Variants in SH3TC1 observed in about 807,000 individuals in gnomAD.
SH3TC1 encodes SH3 domain and tetratricopeptide repeats 1, also known as SH3 domain and tetratricopeptide repeat-containing protein 1.
SH3TC1 carries 135 observed loss-of-function variants against 117.3 expected under a neutral mutation model. The ratio of observed to expected loss-of-function variants is 1.15; its 90% CI spans 1.00 to 1.33. SH3TC1 has a LOEUF of 1.33. Ranked by LOEUF, SH3TC1 falls within the 40% of genes most tolerant of loss-of-function variation. The pLI is 0.00. For missense variants in SH3TC1, 2,092 were observed against 1,794.3 expected, an observed-to-expected ratio of 1.17 and a Z score of -3.00; for synonymous variants, 898 against 816.9, an observed-to-expected ratio of 1.10 and a Z score of -1.69.
At chr4:8,213,117 A>G (rs1718900731) in intron 4 of SH3TC1, 4 of 450,884 alleles carry the variant, frequency 8.9e-6, no homozygotes, top group Non-Finnish European at 1.6e-5. Context: ...TCCACCCACA[A>G]GGACTGTCAA....
At chr4:8,189,304 G>A (rs1444298072) in intron 1 of SH3TC1, among the ~76,000 whole-genome samples, 4 of 152,270 alleles carry the variant, frequency 2.6e-5, no homozygotes, top group African/African-American at 4.8e-5. Context: ...CAGGGGACCT[G>A]CCTAGGAAGC....
Position 8,236,389 on chromosome 4 carries a change from G to C in SH3TC1, c.3517G>C (p.Glu1173Gln). ...ATLEEPQEGL[E>Q]FAHMALALSI... is the part of the protein sequence containing the mutation. ...GCTGGAGGAGCCCCAGGAGGGCTTG[G>C]AGTTTGCCCACATGGCCCTAGCACT... Residue 1173 changes from glutamate to glutamine, a missense_variant, in exon 16 of 18, where the codon GAG becomes CAG. By Grantham distance (29) the Glu-to-Gln change is conservative. Coordinates refer to ENST00000245105, the MANE Select transcript of SH3TC1 (RefSeq NM_018986.5). 2 of 1,536,582 alleles carry C rather than the reference G, an allele frequency of 1.3e-6. No individual in the cohort carries two copies. The highest frequency in any genetic ancestry group is 1.8e-6 in the Non-Finnish European group (2 of 1,139,514).
intron 1 of SH3TC1, among the ~76,000 whole-genome samples, chr4:8,193,745 A>G (rs1717481125): frequency 6.6e-6 from 1 of 152,168 alleles, no homozygotes; most frequent in African/African-American, 2.4e-5. Flanking sequence ...TGGGGCTCCA[A>G]GCTGCAAAAA....
In SH3TC1 at chr4:8,212,785, G is replaced by A. The variant is rs748977972; in HGVS notation, c.332G>A (p.Arg111His). ...GLQQTLRGQL[R>H]LLENDSREMA... The stretch of plus-strand genomic sequence containing the variant: ...CAGCAGACCCTCCGGGGCCAGCTCC[G>A]CCTGCTGGAGAATGATAGCCGGGAG... The change falls in exon 4 of 18, where the codon CGC becomes CAC. Residue 111 changes from arginine (R) to histidine (H), a missense_variant. Transcript: ENST00000245105. 22 of 1,608,220 alleles carry A rather than the reference G, an allele frequency of 1.4e-5. No homozygotes were observed. Among genetic ancestry groups the A allele is most frequent in the East Asian group, 1.3e-4 (6 of 44,724 alleles).
At chr4:8,217,454 C>T (rs758570687) in intron 7 of SH3TC1, among the ~76,000 whole-genome samples, 7 of 152,194 alleles carry the variant, frequency 4.6e-5, no homozygotes, top group South Asian at 2.1e-4. Flanking sequence ...CAGGCTCATC[C>T]GAAAAGCTTT....
chr4:8,229,883 G>A (rs1321814621), intron 12 of SH3TC1, among the ~76,000 whole-genome samples: 2 of 152,068 alleles, frequency 1.3e-5, no homozygotes, highest in African/African-American at 2.4e-5. Context: ...ACTTGGAAAC[G>A]CAGGCCAGGG....
upstream of SH3TC1, among the ~76,000 whole-genome samples, chr4:8,197,001 T>A (rs771834709): frequency 9.2e-5 from 14 of 152,190 alleles, no homozygotes; most frequent in Non-Finnish European, 1.8e-4. Flanking sequence ...CCTGAACCTG[T>A]GAACCTGACC....
intron 5 of SH3TC1, chr4:8,215,185 C>T (rs780044037): frequency 2.2e-6 from 1 of 456,320 alleles, no homozygotes; most frequent in East Asian, 6.9e-5. Flanking sequence ...TTGAGGGAAG[C>T]TGCCGTCCAG....
chr4:8,190,958 A>C lies in SH3TC1; in HGVS notation c.-57+8748A>C, dbSNP rs915424235. Reference sequence around the variant, plus strand: ...CGCCCAGCCCTGGCTCTGTGATTTTACCCTCTCCGCACCTCTGTTCCTTGT... The same window carrying C: ...CGCCCAGCCCTGGCTCTGTGATTTTCCCCTCTCCGCACCTCTGTTCCTTGT... On this transcript the variant is annotated intron_variant, in intron 1 of 16. Coordinates refer to the SH3TC1 transcript ENST00000508641. The surrounding 1 kb of genome is among the most constrained non-coding windows in gnomAD (Gnocchi z 4.7). Among the ~76,000 whole-genome samples, 1 of 151,744 alleles carries C rather than the reference A, an allele frequency of 6.6e-6. No homozygotes were observed. The highest frequency in any genetic ancestry group is 1.5e-5 in the Non-Finnish European group (1 of 67,934).
chr4:8,220,372 C>T (rs894427785), intron 9 of SH3TC1, among the ~76,000 whole-genome samples: 6 of 144,958 alleles, frequency 4.1e-5, no homozygotes, highest in Admixed American at 2.1e-4. Context: ...CTTCCATCAG[C>T]CCCCGTGGCT....
At chr4:8,213,734 C>A (rs559190425) in intron 4 of SH3TC1, among the ~76,000 whole-genome samples, 18 of 152,060 alleles carry the variant, frequency 1.2e-4, no homozygotes, top group African/African-American at 4.3e-4. Context: ...CTCGTCTCTA[C>A]AAAAAAATTT....
Position 8,233,381 on chromosome 4 carries a change from G to A in SH3TC1, c.3150G>A (p.Leu1050=), listed in dbSNP as rs1721427964. Reference sequence around the variant, plus strand: ...ATACCAGGGCCTACAAATCCGCACTGGACTACACCAAACGAAGTCTGGGGA... The same window carrying A: ...ATACCAGGGCCTACAAATCCGCACTAGACTACACCAAACGAAGTCTGGGGA... ...LGTERAYKSA[L]DYTKRSLGIF... Residue 1050 remains leucine, a synonymous_variant, in exon 14 of 18, where the codon CTG becomes CTA. Coordinates refer to ENST00000245105, the MANE Select transcript of SH3TC1 (RefSeq NM_018986.5). 6.2e-7 allele frequency: 1 copy of A among 1,612,872 alleles called. No individual in the cohort carries two copies. The highest frequency in any genetic ancestry group is 1.3e-5 in the African/African-American group (1 of 74,898).
rs748003592 is a variant in SH3TC1, at chr4:8,227,393, G to A, written c.1699G>A (p.Gly567Arg). The A allele has an allele frequency of 4.8e-5, 75 of 1,553,590 alleles. 2 individuals carry two copies. In the South Asian group the frequency reaches 8.8e-4, roughly 18 times the overall value. ...MALARLCFLL[G>R]RLCSRRLKLS... is the part of the protein sequence containing the mutation. The stretch of plus-strand genomic sequence containing the variant: ...CCTGGCCAGGCTCTGCTTCCTCCTG[G>A]GGCGGCTGTGCAGCAGGAGGCTCAA... The change falls in exon 12 of 18, where the codon GGG becomes AGG. Residue 567 changes from glycine (G) to arginine (R), a missense_variant. Transcript: ENST00000245105.
At position 8,232,120 on chromosome 4, in the gene SH3TC1, C is replaced by T; in HGVS notation, c.3095C>T (p.Thr1032Ile). The T allele has an allele frequency of 6.2e-7, 1 of 1,610,984 alleles. No individual in the cohort carries two copies. Among genetic ancestry groups the T allele is most frequent in the South Asian group, 1.1e-5 (1 of 91,016 alleles). The change falls in exon 13 of 18, where the codon ACC becomes ATC. Residue 1032 changes from threonine to isoleucine, a missense_variant. Thr to Ile is a moderately conservative substitution (Grantham distance 89). Coordinates refer to ENST00000245105, the MANE Select transcript of SH3TC1 (RefSeq NM_018986.5). ...DKVLEGQLLE[T>I]ISQLYLSLGT... ...GTGCTGGAGGGGCAGCTCCTGGAGA[C>T]CATCAGCCAGCTCTACCTGTCCCTG...
chr4:8,234,491 CCACCCATCCATCCATT>C (rs1303391210), intron 14 of SH3TC1, among the ~76,000 whole-genome samples: 1 of 28,776 alleles, frequency 3.5e-5, no homozygotes, highest in Admixed American at 4.9e-4. Context: ...ATCCATCCAT[CCACCCATCCATCCATT>C]CATCTGTCCA....
In SH3TC1 at chr4:8,228,444, G is replaced by T. The variant is rs1285959993; in HGVS notation, c.2750G>T (p.Gly917Val). 2 of 1,604,630 alleles carry T rather than the reference G, an allele frequency of 1.2e-6. No homozygotes were observed. The highest frequency in any genetic ancestry group is 2.2e-5 in the South Asian group (2 of 90,096). The change falls in exon 12 of 18, where the codon GGT (glycine) becomes GTT (valine). Residue 917 changes from glycine to valine, a missense_variant. Coordinates refer to ENST00000245105, the MANE Select transcript of SH3TC1 (RefSeq NM_018986.5). ...TTCGGGGCCCTGTGCCTGCATGCGG[G>T]TGCCAGCAGGCTGGCCCAGCACTAC... ...ANFGALCLHAGASRLAQHYLL... is the reference protein window; with the variant it reads ...ANFGALCLHAVASRLAQHYLL...
Position 8,228,176 on chromosome 4 carries a change from C to G in SH3TC1, c.2482C>G (p.Leu828Val), listed in dbSNP as rs1194487502. The change falls in exon 12 of 18, where the codon CTG becomes GTG. Residue 828 changes from leucine (L) to valine (V), a missense_variant. Physicochemically the swap from Leu to Val is conservative, Grantham distance 32. Coordinates refer to ENST00000245105, the MANE Select transcript of SH3TC1 (RefSeq NM_018986.5). ...CGGAGTCCGTGCCATCGTGGACCAC[C>G]TGGTGGCCCTGGCCTGGCTGCACGT... is the stretch of plus-strand genomic sequence containing the variant. ...IAGVRAIVDH[L>V]VALAWLHVLH... The G allele has an allele frequency of 2.0e-5, 33 of 1,610,996 alleles. No individual in the cohort carries two copies. The highest frequency in any genetic ancestry group is 2.7e-5 in the Non-Finnish European group (32 of 1,178,708).
rs945995458 is a variant in SH3TC1 at position 8,231,853 on chromosome 4, C to T, written c.2951-123C>T. On this transcript the variant is annotated intron_variant, in intron 12 of 17. Transcript: ENST00000245105. ...TGTCACGGTGTGCTCAGCGGTTCCC[C>T]GCCTGTGGGGCCCAGGCTCACAGAG... The T allele has an allele frequency of 9.8e-5, 116 of 1,183,438 alleles. No homozygotes were observed. The East Asian group carries it at 1.3e-3, about 14-fold the overall frequency. The allele number at this position is 1,183,438 out of a possible 1,614,324, so 73.3% of individuals were successfully genotyped here.
rs773649467 is a variant in SH3TC1, at chr4:8,240,742, C to T, written c.3798C>T (p.Ala1266=). ...GGTACTACCAGCTGGCGCTGGCAGCCGCCGTGGACCTGGGCAACAAGAAGG... is the reference window on the plus strand; with the variant it reads ...GGTACTACCAGCTGGCGCTGGCAGCTGCCGTGGACCTGGGCAACAAGAAGG... ...AAGYYQLALA[A]AVDLGNKKAQ... Residue 1266 remains alanine (A), a synonymous_variant, in exon 18 of 18, where the codon GCC becomes GCT. Transcript: ENST00000245105. 11 of 1,613,764 alleles carry T rather than the reference C, an allele frequency of 6.8e-6. No homozygotes were observed. The highest frequency in any genetic ancestry group is 6.7e-5 in the East Asian group (3 of 44,892).
Sources: allele counts gnomAD v4.1 joint callset (sites outside exome capture counted in the v4.1 genomes callset), GRCh38; gene constraint gnomAD v4.1.1; non-coding constraint Gnocchi (gnomAD v3.1); transcripts MANE v1.5; gene names NCBI Gene and HGNC (gene_info 2026-07-23, HGNC 2026-07-21).